ITPK1: variants seen among roughly 807,000 people sequenced by gnomAD.
ITPK1 encodes the protein inositol-tetrakisphosphate 1-kinase, also known as inositol 1,3,4-trisphosphate 5/6-kinase.
Under a neutral mutation model 45.3 loss-of-function variants are expected in ITPK1, and 21 were observed. That is an observed-to-expected ratio of 0.46 (90% CI 0.33 to 0.67). ITPK1 has a LOEUF of 0.67. Among genes scored for constraint, ITPK1 ranks in the 30% least tolerant of loss-of-function variants. ITPK1 has a pLI of 0.02. For missense variants in ITPK1, 474 were observed against 573.5 expected (o/e 0.83, Z 1.77); for synonymous variants, 258 against 253.6 (o/e 1.02, Z -0.16).
chr14:93,013,780 T>C (rs928240335), intron 4 of ITPK1, among the ~76,000 whole-genome samples: 1 of 152,130 alleles, frequency 6.6e-6, no homozygotes, highest in South Asian at 2.1e-4. Context: ...GAGAATAAAA[T>C]TTAAAACAAA....
At chr14:92,968,428 G>T (rs1030763826) in intron 5 of ITPK1, among the ~76,000 whole-genome samples, 2 of 152,138 alleles carry the variant, frequency 1.3e-5, no homozygotes, top group Non-Finnish European at 2.9e-5. Context: ...CAGAGTGCTT[G>T]CCCTCTGCAG....
At position 93,014,382 on chromosome 14, in the gene ITPK1, G is replaced by T. The variant is rs564446965; in HGVS notation, c.246+2294C>A. On this transcript the variant is annotated intron_variant, in intron 4 of 10. Transcript: ENST00000267615. The surrounding 1 kb of genome is among the most constrained non-coding windows in gnomAD (Gnocchi z 4.4). ...GGGCTGTGTGTGTGTCTGGGAAGTG[G>T]GCAAGAGGGATAAGAGCTTGGGAGC... Among the ~76,000 whole-genome samples, 3 of 152,180 alleles carry T rather than the reference G, an allele frequency of 2.0e-5. No individual in the cohort carries two copies. The highest frequency in any genetic ancestry group is 1.5e-5 in the Non-Finnish European group (1 of 68,040).
Position 93,014,653 on chromosome 14 carries a change from T to C in ITPK1, c.246+2023A>G, listed in dbSNP as rs1888083175. ...TTTGACTCCCAAGTCCTCCGCCTCA[T>C]CCATCTCTGGAGAGGCCACACGACA... On this transcript the variant is annotated intron_variant, in intron 4 of 10. Coordinates refer to ENST00000267615, the MANE Select transcript of ITPK1 (RefSeq NM_014216.6). This position sits in a 1 kb window ranked among gnomAD's most constrained non-coding sequence, Gnocchi z 4.4. 6.6e-6 allele frequency among the ~76,000 whole-genome samples: 1 copy of C among 152,318 alleles called. No homozygotes were observed. Among genetic ancestry groups the C allele is most frequent in the South Asian group, 2.1e-4 (1 of 4,826 alleles).
intron 2 of ITPK1, among the ~76,000 whole-genome samples, chr14:93,082,367 G>C (rs1188115441): frequency 2.0e-5 from 3 of 152,216 alleles, no homozygotes; most frequent in Non-Finnish European, 4.4e-5. Flanking sequence ...CAGAGGCTTA[G>C]ATGAACACAA....
At chr14:92,969,167 G>C (rs981294357) in intron 5 of ITPK1, among the ~76,000 whole-genome samples, 1 of 152,126 alleles carries the variant, frequency 6.6e-6, no homozygotes, top group African/African-American at 2.4e-5. Flanking sequence ...GCCTCTACTA[G>C]ATGCCAGGAG....
intron 2 of ITPK1, among the ~76,000 whole-genome samples, chr14:93,098,155 C>A (rs938528418): frequency 1.3e-5 from 2 of 151,936 alleles, no homozygotes; most frequent in African/African-American, 4.8e-5. Flanking sequence ...CCTGTCTCTA[C>A]TAAAAATGCA....
chr14:93,066,911 G>A (rs1890781639), intron 3 of ITPK1, among the ~76,000 whole-genome samples: 1 of 152,132 alleles, frequency 6.6e-6, no homozygotes, highest in South Asian at 2.1e-4. Flanking sequence ...GGGCCCTCAG[G>A]TCAAGATGCC....
chr14:93,051,687 C>T (rs141684513), intron 3 of ITPK1, among the ~76,000 whole-genome samples: 17 of 152,146 alleles, frequency 1.1e-4, no homozygotes, highest in African/African-American at 4.1e-4. Context: ...CCTTGAAAAG[C>T]AGGTACCCCT....
chr14:92,992,165 G>A (rs1453289551), intron 5 of ITPK1, among the ~76,000 whole-genome samples: 1 of 152,198 alleles, frequency 6.6e-6, no homozygotes, highest in Non-Finnish European at 1.5e-5. Context: ...CGGGACATGA[G>A]ATGTGGCTGC....
chr14:93,079,163 G>C (rs1348032521), intron 2 of ITPK1, among the ~76,000 whole-genome samples: 4 of 152,210 alleles, frequency 2.6e-5, no homozygotes, highest in Non-Finnish European at 5.9e-5. Flanking sequence ...AAAACAGATG[G>C]AACACATAAA....
intron 9 of ITPK1, among the ~76,000 whole-genome samples, chr14:92,949,406 C>T (rs983569575): frequency 4.6e-5 from 7 of 152,218 alleles, no homozygotes; most frequent in Non-Finnish European, 8.8e-5. Context: ...AGCCACTTAG[C>T]TTTTCTGAGC....
chr14:93,019,972 T>C (rs1167938052), intron 3 of ITPK1, among the ~76,000 whole-genome samples: 1 of 152,186 alleles, frequency 6.6e-6, no homozygotes, highest in Non-Finnish European at 1.5e-5. Context: ...GTCTGGTTTG[T>C]CCCTCCCAGC....
intron 5 of ITPK1, among the ~76,000 whole-genome samples, chr14:92,964,599 A>T (rs78937584): frequency 0.037 from 5,654 of 152,300 alleles, 148 homozygotes; most frequent in Non-Finnish European, 0.056. Context: ...TCAGGCCTGA[A>T]TTTAAACTGG....
intron 5 of ITPK1, among the ~76,000 whole-genome samples, chr14:92,971,850 T>C (rs1885672020): frequency 6.6e-6 from 1 of 152,160 alleles, no homozygotes; most frequent in African/African-American, 2.4e-5. Context: ...CTGAGAATCG[T>C]ATTGTCCAGC....
chr14:93,064,301 T>C (rs575421462), intron 3 of ITPK1, among the ~76,000 whole-genome samples: 25 of 151,956 alleles, frequency 1.6e-4, no homozygotes, highest in Non-Finnish European at 2.8e-4. Context: ...AAAATTAAAA[T>C]TTTCGTAGAG....
chr14:92,979,455 G>A (rs1306264028), intron 5 of ITPK1, among the ~76,000 whole-genome samples: 2 of 152,168 alleles, frequency 1.3e-5, no homozygotes, highest in Admixed American at 6.5e-5. Flanking sequence ...AGGGGCCAGG[G>A]TGGAATGATA....
chr14:93,094,698 C>T (rs1001661720), intron 2 of ITPK1, among the ~76,000 whole-genome samples: 3 of 152,228 alleles, frequency 2.0e-5, no homozygotes, highest in African/African-American at 7.2e-5. Context: ...ACTTGACGAG[C>T]ATGTGTCCAC....
chr14:92,964,054 T>C (rs973082863), intron 5 of ITPK1, among the ~76,000 whole-genome samples: 1 of 152,244 alleles, frequency 6.6e-6, no homozygotes, highest in Non-Finnish European at 1.5e-5. Flanking sequence ...ATTTATGTCA[T>C]AAAAACAAAT....
At position 93,019,200 on chromosome 14, in the gene ITPK1, C is replaced by T. The variant is rs986258590; in HGVS notation, c.121-2399G>A. Reference sequence around the variant, plus strand: ...AGGGGGAGCCGGGCCACAGGAGCGACGCATCCGGGCCCACAGAACCCCCAT... The same window carrying T: ...AGGGGGAGCCGGGCCACAGGAGCGATGCATCCGGGCCCACAGAACCCCCAT... On this transcript the variant is annotated intron_variant, in intron 3 of 10. Coordinates refer to ENST00000267615, the MANE Select transcript of ITPK1 (RefSeq NM_014216.6). Among the ~76,000 whole-genome samples, 29 of 152,334 alleles carry T rather than the reference C, an allele frequency of 1.9e-4. 1 individual carries two copies. Among genetic ancestry groups the T allele is most frequent in the Admixed American group, 5.9e-4 (9 of 15,306 alleles).
Sources: gnomAD v4.1 joint callset for allele counts (sites outside exome capture counted in the v4.1 genomes callset) on GRCh38, gnomAD v4.1.1 for gene constraint, Gnocchi (gnomAD v3.1) non-coding constraint, MANE v1.5 for transcripts, NCBI Gene and HGNC (gene_info 2026-07-23, HGNC 2026-07-21) for gene names.